ZNF675: variants seen among roughly 807,000 people sequenced by gnomAD.
ZNF675 encodes zinc finger protein 675.
ZNF675 carries 36 observed loss-of-function variants against 56.1 expected under a neutral mutation model. The observed-to-expected ratio is 0.64, with a 90% CI of 0.49 to 0.85. The LOEUF is 0.85. Ranked by LOEUF, ZNF675 falls within the 40% of genes least tolerant of loss-of-function variation. The pLI is 0.00. For missense variants in ZNF675, 663 were observed against 654.2 expected (o/e 1.01, Z -0.15); for synonymous variants, 200 against 218.9 (o/e 0.91, Z 0.76).
intron 1 of ZNF675, among the ~76,000 whole-genome samples, chr19:23,682,901 G>A (rs576252324): frequency 1.3e-5 from 2 of 151,698 alleles, no homozygotes; most frequent in African/African-American, 2.4e-5. Context: ...TAAAAGTTAT[G>A]TAGTAGGCCG....
chr19:23,661,372 A>T (rs1454493340), intron 3 of ZNF675, among the ~76,000 whole-genome samples: 2 of 142,316 alleles, frequency 1.4e-5, no homozygotes, highest in African/African-American at 5.2e-5. Context: ...TAGAAATACA[A>T]ACAAGTAAAA....
chr19:23,665,142 C>T (rs1043674158), intron 1 of ZNF675, among the ~76,000 whole-genome samples: 1 of 151,472 alleles, frequency 6.6e-6, no homozygotes, highest in Admixed American at 6.6e-5. Flanking sequence ...GTCAGGAGTT[C>T]CTGACCAGCC....
At chr19:23,663,894 TGTTGA>T (rs1204835261) in intron 1 of ZNF675, among the ~76,000 whole-genome samples, 5 of 151,960 alleles carry the variant, frequency 3.3e-5, no homozygotes, top group Non-Finnish European at 5.9e-5. Context: ...CCAATAGAAA[TGTTGA>T]GTTATCTACA....
chr19:23,653,835 T>C lies in ZNF675; in HGVS notation c.1098A>G (p.Gln366=), dbSNP rs771323315. 4 of 1,613,786 alleles carry C rather than the reference T, an allele frequency of 2.5e-6. No homozygotes were observed. The highest frequency in any genetic ancestry group is 2.5e-6 in the Non-Finnish European group (3 of 1,179,894). ...TGCCGCATTCCTCACATTTGTAGGG[T>C]TGCTCTCCAGTATGAATGTTTTTAT... ...TEHKNIHTGE[Q]PYKCEECGKA... Residue 366 remains glutamine, a synonymous_variant, in exon 4 of 4, where the codon CAA becomes CAG. Transcript: ENST00000359788.
At chr19:23,668,806 G>A (rs1286532194) in intron 1 of ZNF675, among the ~76,000 whole-genome samples, 1 of 152,172 alleles carries the variant, frequency 6.6e-6, no homozygotes, top group Non-Finnish European at 1.5e-5. Flanking sequence ...GGGCAGGGCC[G>A]GCCGGGGGCT....
intron 2 of ZNF675, 124 bp from the exon 3 acceptor site, chr19:23,662,333 T>C: frequency 1.6e-6 from 1 of 614,342 alleles, no homozygotes; most frequent in East Asian, 3.2e-5. Context: ...AATACTGACT[T>C]ATAACAGAAA....
At chr19:23,669,739 G>A (rs1404205005) in intron 1 of ZNF675, among the ~76,000 whole-genome samples, 3 of 152,018 alleles carry the variant, frequency 2.0e-5, no homozygotes, top group Admixed American at 2.0e-4. Flanking sequence ...TGTAATGCCA[G>A]CTACTCAGGA....
At chr19:23,664,745 A>G (rs6511470) in intron 1 of ZNF675, among the ~76,000 whole-genome samples, 147,917 of 152,262 alleles carry the variant, frequency 0.97, 72,011 homozygotes, top group Middle Eastern at 1. Context: ...GAGGCCAGGA[A>G]TTTGAGAACA....
chr19:23,654,722 A>G lies in ZNF675; in HGVS notation c.227-16T>C. On this transcript the variant is annotated splice_polypyrimidine_tract_variant and intron_variant, in intron 3 of 3. Coordinates refer to ENST00000359788, the MANE Select transcript of ZNF675 (RefSeq NM_138330.3). ...GAACACATTACTGAAAGAAATAAAA[A>G]TAACACATTACTTTACAGACTCAGA... The G allele has an allele frequency of 1.3e-6, 2 of 1,502,554 alleles. No homozygotes were observed. The highest frequency in any genetic ancestry group is 1.8e-6 in the Non-Finnish European group (2 of 1,126,800). 93.1% of individuals were successfully genotyped at this position (1,502,554 alleles called of 1,614,324 possible). A position where few individuals can be genotyped will look rare whatever the true frequency, so the allele number is the denominator to read the frequency against.
chr19:23,686,480 C>T (rs1968443871), intron 1 of ZNF675: 1 of 152,960 alleles, frequency 6.5e-6, no homozygotes, highest in South Asian at 2.0e-4. Context: ...GCATGTGCCA[C>T]CACGCCCGGC....
At chr19:23,686,933 A>G in intron 1 of ZNF675, 98 bp downstream of exon 1, 1 of 1,436,268 alleles carries the variant, frequency 7.0e-7, no homozygotes, top group Non-Finnish European at 9.8e-7. Context: ...CAGATTGTGG[A>G]GCTGACTGCG....
chr19:23,685,745 T>A (rs1285965177), intron 1 of ZNF675, among the ~76,000 whole-genome samples: 2 of 152,136 alleles, frequency 1.3e-5, no homozygotes, highest in East Asian at 3.8e-4. Flanking sequence ...AGACAAATAG[T>A]TGATAATGTG....
rs762832383 is a variant in ZNF675, at chr19:23,654,704, T to A, written c.229A>T (p.Met77Leu). The change falls in exon 4 of 4, where the codon ATG (methionine) becomes TTG (leucine). Residue 77 changes from methionine to leucine, a missense_variant and splice_region_variant. Met to Leu is a conservative substitution (Grantham distance 15). This residue lies in a region of ZNF675 where 617 missense variants were observed against 590.5 expected (regional missense o/e 1.04). Coordinates refer to ENST00000359788, the MANE Select transcript of ZNF675 (RefSeq NM_138330.3). ...RHEMVNEPPV[M>L]CSHFAQEFWP... ...AACTCTTGGGCAAAATGAGAACACA[T>A]TACTGAAAGAAATAAAAATAACACA... is the stretch of plus-strand genomic sequence containing the variant. The A allele has an allele frequency of 6.6e-7, 1 of 1,516,270 alleles. No individual in the cohort carries two copies. The highest frequency in any genetic ancestry group is 2.3e-5 in the East Asian group (1 of 44,122). The allele number at this position is 1,516,270 out of a possible 1,614,324, so 93.9% of individuals were successfully genotyped here.
At position 23,654,703 on chromosome 19, in the gene ZNF675, A is replaced by G. The variant is rs1386272960; in HGVS notation, c.230T>C (p.Met77Thr). ...AAACTCTTGGGCAAAATGAGAACAC[A>G]TTACTGAAAGAAATAAAAATAACAC... The part of the protein sequence containing the change: ...RHEMVNEPPV[M>T]CSHFAQEFWP... The change falls in exon 4 of 4, where the codon ATG (methionine) becomes ACG (threonine). Residue 77 changes from methionine to threonine, a missense_variant. Met to Thr is a moderately conservative substitution (Grantham distance 81). Around this residue, in one of 3 missense-constraint regions of ZNF675, gnomAD observed 617 missense variants for 590.5 expected, o/e 1.04. Coordinates refer to ENST00000359788, the MANE Select transcript of ZNF675 (RefSeq NM_138330.3). 2 of 1,518,226 alleles carry G rather than the reference A, an allele frequency of 1.3e-6. No homozygotes were observed. The highest frequency in any genetic ancestry group is 1.4e-5 in the South Asian group (1 of 72,856). 94.0% of individuals were successfully genotyped at this position (1,518,226 alleles called of 1,614,324 possible). A position where few individuals can be genotyped will look rare whatever the true frequency, so the allele number is the denominator to read the frequency against.
At chr19:23,678,892 C>T (rs111949405) in intron 1 of ZNF675, among the ~76,000 whole-genome samples, 1,969 of 151,418 alleles carry the variant, frequency 0.013, 93 homozygotes, top group African/African-American at 0.046. Flanking sequence ...TCTGGCCAGG[C>T]GTGGTGGCTC....
At chr19:23,667,404 T>G (rs1164342212) in intron 1 of ZNF675, among the ~76,000 whole-genome samples, 1 of 152,088 alleles carries the variant, frequency 6.6e-6, no homozygotes, top group Admixed American at 6.6e-5. Context: ...CTGCTTTTAT[T>G]GTCTTACCTG....
intron 3 of ZNF675, chr19:23,657,119 A>T (rs1234794375): frequency 6.6e-6 from 1 of 152,136 alleles, no homozygotes. Context: ...AATTTTTTGT[A>T]GACAGAGAAT....
rs1968171905 is a variant in ZNF675, at chr19:23,667,688, C to A, written c.4-4530G>T. 3.3e-5 allele frequency among the ~76,000 whole-genome samples: 5 copies of A among 151,748 alleles called. No individual in the cohort carries two copies. In the South Asian group the frequency reaches 1.0e-3, roughly 32 times the overall value. ...GATACAGAGTGTCAATTGGTGCACT[C>A]ACAAACCTTGAGCTAAACACACGGT... On this transcript the variant is annotated intron_variant, in intron 1 of 3. Transcript: ENST00000359788.
At chr19:23,682,576 C>A (rs1380379382) in intron 1 of ZNF675, among the ~76,000 whole-genome samples, 1 of 151,776 alleles carries the variant, frequency 6.6e-6, no homozygotes, top group Non-Finnish European at 1.5e-5. Context: ...CAGGATAAAG[C>A]CTTCTTCCAT....
Sources: allele counts gnomAD v4.1 joint callset (sites outside exome capture counted in the v4.1 genomes callset), GRCh38; gene constraint gnomAD v4.1.1; regional missense constraint gnomAD v4.1.1; transcripts MANE v1.5; gene names NCBI Gene and HGNC (gene_info 2026-07-23, HGNC 2026-07-21).